MTUS2: variants seen among roughly 807,000 people sequenced by gnomAD.
MTUS2 encodes the protein microtubule-associated tumor suppressor candidate 2.
Under a neutral mutation model 114.1 loss-of-function variants are expected in MTUS2, and 40 were observed. The observed-to-expected ratio is 0.35, with a 90% CI of 0.27 to 0.46. The LOEUF is 0.46. Among genes scored for constraint, MTUS2 ranks in the 20% least tolerant of loss-of-function variants. The pLI, the probability that MTUS2 is intolerant of heterozygous loss-of-function variation, is 1.00. For synonymous variants in MTUS2, 688 were observed against 672.0 expected, an observed-to-expected ratio of 1.02 and a Z score of -0.37; for missense variants, 1,679 against 1,705.4, an observed-to-expected ratio of 0.98 and a Z score of 0.27.
At chr13:29,148,743 G>T (rs1892547171) in intron 5 of MTUS2, among the ~76,000 whole-genome samples, 1 of 63,670 alleles carries the variant, frequency 1.6e-5, no homozygotes, top group East Asian at 5.4e-4. Context: ...CTCCCAAAGT[G>T]CTGGGATTAC....
intron 5 of MTUS2, among the ~76,000 whole-genome samples, chr13:29,130,411 G>A (rs930878354): frequency 3.3e-5 from 5 of 151,956 alleles, no homozygotes; most frequent in African/African-American, 7.3e-5. Context: ...ACCCTTGCTC[G>A]AGACCTGAAA....
intron 4 of MTUS2, among the ~76,000 whole-genome samples, chr13:29,082,105 G>A (rs1469144587): frequency 2.0e-5 from 3 of 152,256 alleles, no homozygotes; most frequent in Middle Eastern, 3.4e-3. Context: ...TGAGGATGAA[G>A]CCCCCATGGT....
At chr13:28,857,075 G>T (rs1418565596) in intron 2 of MTUS2, among the ~76,000 whole-genome samples, 1 of 152,200 alleles carries the variant, frequency 6.6e-6, no homozygotes, top group Non-Finnish European at 1.5e-5. Context: ...CCATTTGCCT[G>T]GTTTACCTGG....
intron 8 of MTUS2, chr13:29,428,625 C>CAAAA: frequency 1.4e-6 from 1 of 691,180 alleles, no homozygotes; most frequent in Non-Finnish European, 1.9e-6. Flanking sequence ...CCCGCAGCAG[C>CAAAA]AAGATCTGAT....
chr13:29,358,971 AGC>A, intron 7 of MTUS2, among the ~76,000 whole-genome samples: 2 of 150,754 alleles, frequency 1.3e-5, no homozygotes, highest in African/African-American at 2.4e-5. Context: ...AAAAAAAAAA[AGC>A]TTCTCTCTCT....
chr13:29,313,192 A>C (rs1899845030), intron 6 of MTUS2, among the ~76,000 whole-genome samples: 1 of 152,210 alleles, frequency 6.6e-6, no homozygotes, highest in Non-Finnish European at 1.5e-5. Context: ...AGGCTGCTGC[A>C]GAGCTCTCCC....
rs1450234153 is a variant in MTUS2, at chr13:29,317,685, G to A, written c.2807-6928G>A. On this transcript the variant is annotated intron_variant, in intron 6 of 15. Transcript: ENST00000612955. ...CATCTCCTGACCTCGTGATCCACCC[G>A]CCTCGGCCTCCCAAAGTGCTGGGAT... is the stretch of plus-strand genomic sequence containing the variant. 6.2e-4 allele frequency among the ~76,000 whole-genome samples: 7 copies of A among 11,278 alleles called. 1 individual carries two copies. The highest frequency in any genetic ancestry group is 7.9e-4 in the Non-Finnish European group (3 of 3,816). The allele number at this position is 11,278 out of a possible 152,430, so 7.4% of individuals were successfully genotyped here.
intron 5 of MTUS2, among the ~76,000 whole-genome samples, chr13:29,139,542 T>G (rs1380978085): frequency 7.2e-6 from 1 of 139,456 alleles, no homozygotes; most frequent in East Asian, 2.2e-4. Flanking sequence ...ATACTAAATT[T>G]AATGTCTGTT....
intron 7 of MTUS2, among the ~76,000 whole-genome samples, chr13:29,352,830 C>A (rs1869406388): frequency 1.3e-5 from 2 of 152,178 alleles, no homozygotes; most frequent in Non-Finnish European, 2.9e-5. Context: ...CTAATCTTTT[C>A]TTTTGCAGTA....
chr13:29,067,419 A>C (rs1013967736), intron 4 of MTUS2, among the ~76,000 whole-genome samples: 2 of 152,182 alleles, frequency 1.3e-5, no homozygotes, highest in Non-Finnish European at 2.9e-5. Flanking sequence ...AAAGTGGTCA[A>C]GACTGTCTCA....
At position 29,163,997 on chromosome 13, in the gene MTUS2, G is replaced by A. The variant is rs565974977; in HGVS notation, c.2644+63027G>A. On this transcript the variant is annotated intron_variant, in intron 5 of 15. Coordinates refer to ENST00000612955, the MANE Select transcript of MTUS2 (RefSeq NM_001033602.4). ...AACGTCGCTGAAAACTCTGCTACAC[G>A]CCCTTTCTTAACTGGCTTGAAAGTG... is the stretch of plus-strand genomic sequence containing the variant. Among the ~76,000 whole-genome samples the A allele has an allele frequency of 1.4e-4, 22 of 152,176 alleles. No individual in the cohort carries two copies. In the South Asian group the frequency reaches 4.4e-3, roughly 30 times the overall value.
At chr13:29,078,658 C>T (rs1889304141) in intron 4 of MTUS2, among the ~76,000 whole-genome samples, 1 of 152,174 alleles carries the variant, frequency 6.6e-6, no homozygotes, top group African/African-American at 2.4e-5. Flanking sequence ...AGCCCCAGTT[C>T]TGGGAAACCA....
intron 2 of MTUS2, among the ~76,000 whole-genome samples, chr13:28,987,467 TG>T: frequency 6.7e-6 from 1 of 150,016 alleles, no homozygotes; most frequent in East Asian, 2.0e-4. Context: ...AGGAAGGAGA[TG>T]GGGGTTGGGC....
rs527472256 is a variant in MTUS2 at position 29,149,821 on chromosome 13, T to G, written c.2644+48851T>G. Among the ~76,000 whole-genome samples, 3 of 152,292 alleles carry G rather than the reference T, an allele frequency of 2.0e-5. No individual in the cohort carries two copies. In the South Asian group the frequency reaches 6.2e-4, roughly 32 times the overall value. On this transcript the variant is annotated intron_variant, in intron 5 of 15. Transcript: ENST00000612955. ...TTAGCTTTTTCAAAGATCAGATGGT[T>G]GTAGGTGTGGGGTCTTATTTCTGGA...
chr13:29,198,117 G>T (rs12868751), intron 5 of MTUS2, among the ~76,000 whole-genome samples: 1 of 152,148 alleles, frequency 6.6e-6, no homozygotes, highest in African/African-American at 2.4e-5. Flanking sequence ...CATTGCTTTT[G>T]GTGTTTTAGT....
intron 5 of MTUS2, among the ~76,000 whole-genome samples, chr13:29,181,455 A>G (rs1356085189): frequency 6.6e-6 from 1 of 152,144 alleles, no homozygotes; most frequent in Non-Finnish European, 1.5e-5. Flanking sequence ...ATAGATTGCA[A>G]TTGCAGAAAG....
intron 3 of MTUS2, among the ~76,000 whole-genome samples, chr13:29,029,521 A>G (rs367570168): frequency 3.2e-4 from 48 of 152,302 alleles, no homozygotes; most frequent in African/African-American, 9.1e-4. Flanking sequence ...TTGCTCTTCT[A>G]TAAGGCAGGG....
intron 5 of MTUS2, chr13:29,239,253 T>G (rs1181826786): frequency 6.6e-5 from 10 of 152,328 alleles, no homozygotes; most frequent in African/African-American, 2.4e-4. Context: ...GATGCCTCAG[T>G]AAAGCTGGGA....
At chr13:28,994,584 A>C (rs976106806) in intron 2 of MTUS2, among the ~76,000 whole-genome samples, 1 of 152,142 alleles carries the variant, frequency 6.6e-6, no homozygotes, top group Non-Finnish European at 1.5e-5. Flanking sequence ...CTTTTTAGTG[A>C]TCGCTATTCT....
Sources: gnomAD v4.1 joint callset for allele counts (sites outside exome capture counted in the v4.1 genomes callset) on GRCh38, gnomAD v4.1.1 for gene constraint, MANE v1.5 for transcripts, NCBI Gene and HGNC (gene_info 2026-07-23, HGNC 2026-07-21) for gene names.